Variants in GON4L observed in about 807,000 individuals in gnomAD.
The protein encoded by GON4L is gon-4 like, also known as GON-4-like protein.
Under a neutral mutation model 211.8 loss-of-function variants are expected in GON4L, and 87 were observed. That is an observed-to-expected ratio of 0.41 (90% CI 0.35 to 0.49). GON4L has a LOEUF of 0.49. Among genes scored for constraint, GON4L ranks in the 20% least tolerant of loss-of-function variants. GON4L has a pLI of 0.15. For synonymous variants in GON4L, 875 were observed against 962.6 expected (o/e 0.91, Z 1.68); for missense variants, 2,155 against 2,659.5 (o/e 0.81, Z 4.17).
chr1:155,788,127 G>A (rs1023261296), intron 12 of GON4L, among the ~76,000 whole-genome samples: 1 of 152,132 alleles, frequency 6.6e-6, no homozygotes, highest in Non-Finnish European at 1.5e-5. Context: ...AAGTAGCTGG[G>A]ACTACAGGCA....
At chr1:155,823,621 G>A (rs867840621) in intron 3 of GON4L, among the ~76,000 whole-genome samples, 4 of 152,086 alleles carry the variant, frequency 2.6e-5, no homozygotes, top group Non-Finnish European at 5.9e-5. Context: ...GAGGCTGGAC[G>A]CAGTGGCTCA....
chr1:155,826,105 T>G lies in GON4L; in HGVS notation c.697+732A>C, dbSNP rs1669187394. Among the ~76,000 whole-genome samples the G allele has an allele frequency of 2.0e-5, 3 of 151,834 alleles. No homozygotes were observed. In the South Asian group the frequency reaches 6.2e-4, roughly 32 times the overall value. ...GCACGCGCTTATAGTCCCAGCTACT[T>G]AGGGCTGAGACAAAAAGATCACTTT... On this transcript the variant is annotated intron_variant, in intron 3 of 31. Coordinates refer to ENST00000368331, the MANE Select transcript of GON4L (RefSeq NM_001282860.2).
At chr1:155,820,102 CAG>C (rs1336318217) in intron 6 of GON4L, among the ~76,000 whole-genome samples, 2 of 152,130 alleles carry the variant, frequency 1.3e-5, no homozygotes, top group African/African-American at 4.8e-5. Context: ...TTAGTAGAGA[CAG>C]AGTTTCACTA....
chr1:155,833,274 C>T (rs1205476389), intron 2 of GON4L, among the ~76,000 whole-genome samples: 1 of 152,078 alleles, frequency 6.6e-6, no homozygotes, highest in African/African-American at 2.4e-5. Context: ...CCTCCAGTTC[C>T]TTCTGACAAC....
In GON4L at chr1:155,773,148, T is replaced by A; in HGVS notation, c.2413A>T (p.Met805Leu). ...CACACTGGAAGTAACTCTGGATACA[T>A]GAAAACCTTGCTTGTGGCCAGAATC... ...AWILATSKVFMYPELLPVCSL... is the reference protein window; with the variant it reads ...AWILATSKVFLYPELLPVCSL... Residue 805 changes from methionine to leucine, a missense_variant, in exon 18 of 32, where the codon ATG becomes TTG. Transcript: ENST00000368331. 6.2e-7 allele frequency: 1 copy of A among 1,613,960 alleles called. No homozygotes were observed. Among genetic ancestry groups the A allele is most frequent in the Non-Finnish European group, 8.5e-7 (1 of 1,179,958 alleles).
At chr1:155,845,479 T>C in intron 2 of GON4L, 1 of 352,292 alleles carries the variant, frequency 2.8e-6, no homozygotes, top group East Asian at 8.3e-5. Flanking sequence ...AGAAATGCAT[T>C]CTTCATGTGC....
chr1:155,776,952 TCA>T (rs1663878177), intron 15 of GON4L, among the ~76,000 whole-genome samples: 2 of 152,172 alleles, frequency 1.3e-5, no homozygotes, highest in Admixed American at 6.6e-5. Flanking sequence ...CATAAATCTC[TCA>T]GACATGTTCC....
chr1:155,767,444 C>T lies in GON4L; in HGVS notation c.2744G>A (p.Arg915Gln), dbSNP rs377459042. 16 of 1,613,384 alleles carry T rather than the reference C, an allele frequency of 9.9e-6. No homozygotes were observed. In the African/African-American group the frequency reaches 1.1e-4, roughly 11 times the overall value. ...WKPPIEREEH[R>Q]LPFWLKASLP... ...CTGTACCTTTAACCAGAATGGGAGC[C>T]GGTGTTCTTCTCTCTCTATAGGTGG... The change falls in exon 20 of 32, where the codon CGG (arginine) becomes CAG (glutamine). Residue 915 changes from arginine (R) to glutamine (Q), a missense_variant. This residue lies in a region of GON4L where 551 missense variants were observed against 854.0 expected (regional missense o/e 0.65). Coordinates refer to ENST00000368331, the MANE Select transcript of GON4L (RefSeq NM_001282860.2).
chr1:155,834,072 C>A (rs1670068879), intron 2 of GON4L, among the ~76,000 whole-genome samples: 2 of 152,118 alleles, frequency 1.3e-5, no homozygotes, highest in South Asian at 2.1e-4. Context: ...GATCCTCACA[C>A]CTTGGCCTTC....
intron 13 of GON4L, chr1:155,785,034 A>C (rs575525881): frequency 4.7e-6 from 2 of 430,010 alleles, no homozygotes; most frequent in South Asian, 4.0e-5. Context: ...TAGAAGGTCA[A>C]GGCTGCTGTG....
At position 155,777,603 on chromosome 1, in the gene GON4L, T is replaced by C. The variant is rs1360125835; in HGVS notation, c.2091+19A>G. 1 of 1,591,108 alleles carries C rather than the reference T, an allele frequency of 6.3e-7. No individual in the cohort carries two copies. Among genetic ancestry groups the C allele is most frequent in the Non-Finnish European group, 8.6e-7 (1 of 1,159,326 alleles). ...CAAAAAAAAAAATCCAATGTTAACA[T>C]GACCAAGAAAAGTCCTACCTGCTGC... On this transcript the variant is annotated intron_variant, in intron 15 of 31. Coordinates refer to ENST00000368331, the MANE Select transcript of GON4L (RefSeq NM_001282860.2).
chr1:155,813,575 G>A (rs1005317539), intron 10 of GON4L, 59 bp downstream of exon 10: 39 of 1,265,014 alleles, frequency 3.1e-5, no homozygotes, highest in Non-Finnish European at 4.3e-5. Flanking sequence ...TTCCCAGCCT[G>A]AGCAACAACT....
At chr1:155,798,609 C>T (rs1196416237) in intron 11 of GON4L, among the ~76,000 whole-genome samples, 4 of 109,034 alleles carry the variant, frequency 3.7e-5, no homozygotes, top group Non-Finnish European at 7.2e-5. Context: ...TTAGTAGAGA[C>T]GGGGTTTCAC....
chr1:155,856,185 G>A (rs1015724335), intron 1 of GON4L, among the ~76,000 whole-genome samples: 2 of 151,796 alleles, frequency 1.3e-5, no homozygotes, highest in African/African-American at 2.4e-5. Context: ...AACTCTAAGC[G>A]TCTAAGGTTA....
intron 10 of GON4L, among the ~76,000 whole-genome samples, chr1:155,812,573 T>G (rs1290175126): frequency 3.3e-5 from 5 of 151,608 alleles, no homozygotes; most frequent in Admixed American, 6.6e-5. Flanking sequence ...TTTTTTTTTT[T>G]GGGACAGAGT....
At chr1:155,810,009 T>TATATATATATA (rs1557886306) in intron 10 of GON4L, among the ~76,000 whole-genome samples, 1 of 134,202 alleles carries the variant, frequency 7.5e-6, no homozygotes, top group African/African-American at 2.9e-5. Flanking sequence ...TATATATATA[T>TATATATATATA]TTTTGAAATG....
Position 155,763,403 on chromosome 1 carries a change from C to T in GON4L, c.4635G>A (p.Thr1545=), listed in dbSNP as rs369208847. ...CAGCAGAGTCTCCAACTGCTTCATC[C>T]GTCATTTCATCCTCTTTCTGCAGGC... ...MESLQKEDEM[T]DEAVGDSAEK... is the part of the protein sequence containing the mutation. Residue 1545 remains threonine (T), a synonymous_variant, in exon 22 of 32, where the codon ACG becomes ACA. Coordinates refer to ENST00000368331, the MANE Select transcript of GON4L (RefSeq NM_001282860.2). 4.2e-5 allele frequency: 68 copies of T among 1,603,452 alleles called. No homozygotes were observed. The highest frequency in any genetic ancestry group is 2.7e-4 in the African/African-American group (20 of 74,886).
At chr1:155,801,508 T>TA (rs1438579903) in intron 11 of GON4L, among the ~76,000 whole-genome samples, 10 of 151,990 alleles carry the variant, frequency 6.6e-5, no homozygotes, top group Admixed American at 1.3e-4. Context: ...AGAGGGTGGG[T>TA]AAAAAAAAGA....
At position 155,827,020 on chromosome 1, in the gene GON4L, G is replaced by T. The variant is rs1446638383; in HGVS notation, c.514C>A (p.Gln172Lys). The T allele has an allele frequency of 3.1e-6, 5 of 1,612,122 alleles. No homozygotes were observed. Among genetic ancestry groups the T allele is most frequent in the Non-Finnish European group, 4.2e-6 (5 of 1,178,150 alleles). The change falls in exon 3 of 32, where the codon CAA becomes AAA. Residue 172 changes from glutamine (Q) to lysine (K), a missense_variant. By Grantham distance (53) the Gln-to-Lys change is moderately conservative (BLOSUM62 1). Transcript: ENST00000368331. Reference sequence around the variant, plus strand: ...GGTATCTCCCCTTCAGAATTCATTTGAGGTTTCCCTGGAAGAATCACAAAT... The same window carrying T: ...GGTATCTCCCCTTCAGAATTCATTTTAGGTTTCCCTGGAAGAATCACAAAT... ...EEVKEEGGKP[Q>K]MNSEGEIPSL...
Sources: gnomAD v4.1 joint callset for allele counts (sites outside exome capture counted in the v4.1 genomes callset) on GRCh38, gnomAD v4.1.1 for gene constraint, gnomAD v4.1.1 regional missense constraint, MANE v1.5 for transcripts, NCBI Gene and HGNC (gene_info 2026-07-23, HGNC 2026-07-21) for gene names.